Variants in ZEB1 observed in about 807,000 individuals in gnomAD.
ZEB1 encodes zinc finger E-box binding homeobox 1, also known as zinc finger E-box-binding homeobox 1.
Under a neutral mutation model 84.9 loss-of-function variants are expected in ZEB1, and 21 were observed. That is an observed-to-expected ratio of 0.25 (90% CI 0.18 to 0.36). The LOEUF (loss-of-function observed/expected upper bound fraction) is 0.36. ZEB1 is among the 10% of genes least tolerant of loss of function. ZEB1 has a pLI of 1.00. For missense variants in ZEB1, 1,104 were observed against 1,330.2 expected, an observed-to-expected ratio of 0.83 and a Z score of 2.65; for synonymous variants, 420 against 471.1, an observed-to-expected ratio of 0.89 and a Z score of 1.41.
intron 1 of ZEB1, among the ~76,000 whole-genome samples, chr10:31,407,290 C>G (rs1257009671): frequency 1.4e-5 from 2 of 142,378 alleles, no homozygotes. Context: ...GTTCCCCTTC[C>G]TGTGTCCATG....
At chr10:31,487,388 C>T (rs1283953190) in intron 2 of ZEB1, among the ~76,000 whole-genome samples, 1 of 151,314 alleles carries the variant, frequency 6.6e-6, no homozygotes, top group African/African-American at 2.4e-5. Context: ...AATTAATGAA[C>T]ATGGTGTGTG....
chr10:31,361,394 T>C (rs2043041896), intron 1 of ZEB1, among the ~76,000 whole-genome samples: 1 of 152,226 alleles, frequency 6.6e-6, no homozygotes, highest in African/African-American at 2.4e-5. Flanking sequence ...AGTTTCACCA[T>C]GTTGGCCAGA....
At chr10:31,493,913 G>A (rs1196889194) in intron 2 of ZEB1, among the ~76,000 whole-genome samples, 1 of 151,974 alleles carries the variant, frequency 6.6e-6, no homozygotes, top group Non-Finnish European at 1.5e-5. Context: ...AAGGGGGGAT[G>A]AAGAAATGAA....
chr10:31,460,943 A>G (rs113637128), intron 1 of ZEB1, 94 bp from the exon 2 acceptor site: 9 of 983,846 alleles, frequency 9.1e-6, no homozygotes, highest in Admixed American at 4.0e-5. Context: ...TTGAATTACA[A>G]TCTGTTTTAA....
At chr10:31,339,451 G>A (rs2038916748) in intron 1 of ZEB1, among the ~76,000 whole-genome samples, 1 of 152,140 alleles carries the variant, frequency 6.6e-6, no homozygotes, top group African/African-American at 2.4e-5. Context: ...AGCTCTTGCA[G>A]TGAAGTAGAC....
chr10:31,473,353 C>T (rs2063561669), intron 2 of ZEB1, among the ~76,000 whole-genome samples: 1 of 150,094 alleles, frequency 6.7e-6, no homozygotes, highest in Admixed American at 6.6e-5. Context: ...TAAGCAACTT[C>T]AGCAAAGTCT....
intron 1 of ZEB1, among the ~76,000 whole-genome samples, chr10:31,361,765 G>A (rs181370286): frequency 6.6e-6 from 1 of 151,398 alleles, no homozygotes; most frequent in Non-Finnish European, 1.5e-5. Context: ...CGGTGAGGAG[G>A]CCAGGCAGAG....
intron 1 of ZEB1, among the ~76,000 whole-genome samples, chr10:31,448,024 A>G (rs1162168415): frequency 1.9e-4 from 29 of 149,944 alleles, no homozygotes; most frequent in Middle Eastern, 3.4e-3. Context: ...ACTTGGTTCC[A>G]TTCTCCCCAT....
intron 1 of ZEB1, among the ~76,000 whole-genome samples, chr10:31,323,606 T>G (rs925584085): frequency 7.9e-5 from 12 of 152,116 alleles, no homozygotes; most frequent in Non-Finnish European, 1.5e-4. Context: ...AAGTTTGCTT[T>G]GAGATCTTAT....
At chr10:31,495,678 C>G in intron 2 of ZEB1, 98 bp from the exon 3 acceptor site, 1 of 1,197,098 alleles carries the variant, frequency 8.4e-7, no homozygotes. Context: ...GTGTAATGAT[C>G]AGATCAGAGT....
intron 2 of ZEB1, among the ~76,000 whole-genome samples, chr10:31,492,021 G>C (rs2066600805): frequency 6.6e-6 from 1 of 151,886 alleles, no homozygotes; most frequent in Admixed American, 6.6e-5. Context: ...TTTTCCCTTA[G>C]CAGGGAATAG....
intron 2 of ZEB1, among the ~76,000 whole-genome samples, chr10:31,468,067 G>A (rs982185145): frequency 1.3e-5 from 2 of 152,074 alleles, no homozygotes; most frequent in Non-Finnish European, 2.9e-5. Flanking sequence ...AGCTCTTGTG[G>A]CACAGAAGAG....
chr10:31,429,059 T>C (rs1170692094), intron 1 of ZEB1, among the ~76,000 whole-genome samples: 1 of 152,216 alleles, frequency 6.6e-6, no homozygotes, highest in Non-Finnish European at 1.5e-5. Flanking sequence ...TGAGCCCATT[T>C]ACATTTAAGG....
chr10:31,525,659 G>T (rs2073292948), intron 8 of ZEB1, among the ~76,000 whole-genome samples: 1 of 152,074 alleles, frequency 6.6e-6, no homozygotes, highest in Non-Finnish European at 1.5e-5. Context: ...ATTCTTAACT[G>T]TTTCAGTGTA....
chr10:31,463,604 A>G (rs1435961859), intron 2 of ZEB1, among the ~76,000 whole-genome samples: 1 of 152,180 alleles, frequency 6.6e-6, no homozygotes, highest in Admixed American at 6.5e-5. Context: ...TTCCATCTCT[A>G]CCATCCTTGA....
At chr10:31,321,584 A>T in intron 1 of ZEB1, 1 of 1,613,836 alleles carries the variant, frequency 6.2e-7, no homozygotes, top group East Asian at 2.2e-5. Flanking sequence ...TAAAATGTTG[A>T]TCGCCAGAGA....
At chr10:31,515,681 C>T (rs1375237534) in intron 6 of ZEB1, among the ~76,000 whole-genome samples, 2 of 152,028 alleles carry the variant, frequency 1.3e-5, no homozygotes, top group African/African-American at 4.8e-5. Context: ...GGCTAACCCT[C>T]AATGTTAAAC....
intron 1 of ZEB1, among the ~76,000 whole-genome samples, chr10:31,338,552 G>T (rs963598942): frequency 6.6e-6 from 1 of 152,104 alleles, no homozygotes; most frequent in Admixed American, 6.5e-5. Flanking sequence ...AATAAACAGG[G>T]TACTATTTTT....
At chr10:31,394,200 A>G (rs1004481315) in intron 1 of ZEB1, among the ~76,000 whole-genome samples, 3 of 152,152 alleles carry the variant, frequency 2.0e-5, no homozygotes, top group Admixed American at 2.0e-4. Flanking sequence ...TGGTGTTTTG[A>G]GCTAAGGGCA....
Sources: gnomAD v4.1 joint callset for allele counts (sites outside exome capture counted in the v4.1 genomes callset) on GRCh38, gnomAD v4.1.1 for gene constraint, MANE v1.5 for transcripts, NCBI Gene and HGNC (gene_info 2026-07-23, HGNC 2026-07-21) for gene names.